GSS: variants seen among roughly 807,000 people sequenced by gnomAD.
GSS encodes GSH synthetase.
Under a neutral mutation model 60.4 loss-of-function variants are expected in GSS, and 34 were observed. The observed-to-expected ratio is 0.56, with a 90% CI of 0.43 to 0.75. The LOEUF is 0.75. Among genes scored for constraint, GSS ranks in the 30% least tolerant of loss-of-function variants. The pLI, the probability that GSS is intolerant of heterozygous loss-of-function variation, is 0.00. For synonymous variants in GSS, 224 were observed against 239.0 expected (o/e 0.94, Z 0.58); for missense variants, 499 against 595.1 (o/e 0.84, Z 1.68).
intron 2 of GSS, among the ~76,000 whole-genome samples, chr20:34,947,051 C>T (rs1569016325): frequency 1.3e-5 from 2 of 152,014 alleles, no homozygotes; most frequent in African/African-American, 2.4e-5. Flanking sequence ...TATAAGTTTA[C>T]GGTGTTAGAA....
chr20:34,928,805 G>A lies in GSS; in HGVS notation c.*23C>T, dbSNP rs1409106361. 2.5e-6 allele frequency: 4 copies of A among 1,613,820 alleles called. No individual in the cohort carries two copies. The South Asian group carries it at 3.3e-5, about 13-fold the overall frequency. On this transcript the variant is annotated 3_prime_UTR_variant, in exon 13 of 13. Transcript: ENST00000651619. ...GGAATGACAAATACAGAGGATAGAA[G>A]GTCCCGTGGCCTGGTTGTGCCCTCA...
intron 9 of GSS, among the ~76,000 whole-genome samples, chr20:34,935,275 G>A (rs908744501): frequency 1.3e-5 from 2 of 152,228 alleles, no homozygotes; most frequent in Admixed American, 6.5e-5. Context: ...CAGTATGCTG[G>A]AACTGGCTTA....
At chr20:34,954,540 G>A (rs2081601772) in intron 1 of GSS, 2 of 146,588 alleles carry the variant, frequency 1.4e-5, no homozygotes, top group South Asian at 4.3e-4. Context: ...GGCAACAAGA[G>A]CAAAGCTCTG....
chr20:34,953,989 T>C (rs1297499977), intron 1 of GSS, among the ~76,000 whole-genome samples: 2 of 152,196 alleles, frequency 1.3e-5, no homozygotes, highest in Non-Finnish European at 1.5e-5. Flanking sequence ...TGAAGCTCTA[T>C]ACATGAGACC....
chr20:34,936,258 A>T (rs1048815574), intron 8 of GSS, among the ~76,000 whole-genome samples: 15 of 152,244 alleles, frequency 9.9e-5, no homozygotes, highest in African/African-American at 3.4e-4. Flanking sequence ...GACAGTTTTA[A>T]TTTTAACAAT....
chr20:34,930,792 C>T (rs2081395171), intron 11 of GSS, among the ~76,000 whole-genome samples: 1 of 152,034 alleles, frequency 6.6e-6, no homozygotes. Context: ...ACCATTTTTC[C>T]AGCCTAAATC....
intron 1 of GSS, chr20:34,952,953 T>C (rs1569019502): frequency 6.6e-6 from 1 of 152,244 alleles, no homozygotes; most frequent in Non-Finnish European, 1.5e-5. Flanking sequence ...CTACATTCCA[T>C]ATATGGACAT....
intron 1 of GSS, 111 bp from the exon 2 acceptor site, chr20:34,951,971 A>G (rs1299697606): frequency 9.1e-7 from 1 of 1,104,212 alleles, no homozygotes; most frequent in Admixed American, 1.8e-5. Flanking sequence ...CTCTGTTGGA[A>G]GGGAACAGCG....
chr20:34,953,608 C>A (rs2081585816), intron 1 of GSS, among the ~76,000 whole-genome samples: 1 of 149,126 alleles, frequency 6.7e-6, no homozygotes, highest in Admixed American at 6.7e-5. Context: ...CTCTCTCCCT[C>A]CCTCTTTCTT....
rs35270925 is a variant in GSS at position 34,947,276 on chromosome 20, T to A, written c.130-1178A>T. Among the ~76,000 whole-genome samples, 54 of 152,190 alleles carry A rather than the reference T, an allele frequency of 3.5e-4. 1 individual carries two copies. The East Asian group carries it at 0.01, about 29-fold the overall frequency. ...GTAATTTTTGTATTTTTAGTAGAGATGGGGTTTCACTGTGTTGTCCAGGCT... is the reference window on the plus strand; with the variant it reads ...GTAATTTTTGTATTTTTAGTAGAGAAGGGGTTTCACTGTGTTGTCCAGGCT... On this transcript the variant is annotated intron_variant, in intron 2 of 12. Coordinates refer to ENST00000651619, the MANE Select transcript of GSS (RefSeq NM_000178.4).
chr20:34,937,091 C>A, intron 6 of GSS, 68 bp from the exon 7 acceptor site: 1 of 1,060,962 alleles, frequency 9.4e-7, no homozygotes, highest in South Asian at 1.3e-5. Context: ...CTCCCCTCAA[C>A]CCCCATACCG....
At chr20:34,937,615 C>T (rs992403628) in intron 6 of GSS, among the ~76,000 whole-genome samples, 1 of 152,144 alleles carries the variant, frequency 6.6e-6, no homozygotes, top group East Asian at 1.9e-4. Flanking sequence ...TACACAGGGC[C>T]ACATTTGATC....
intron 2 of GSS, among the ~76,000 whole-genome samples, chr20:34,948,108 A>C (rs1359204909): frequency 6.6e-6 from 1 of 152,048 alleles, no homozygotes; most frequent in East Asian, 1.9e-4. Flanking sequence ...GCAGGTGTGT[A>C]CCACTGCCCT....
Position 34,931,946 on chromosome 20 carries a change from A to G in GSS, c.1022T>C (p.Leu341Pro), listed in dbSNP as rs2147122341. ...AACAGGCTGCCCACGTACCACATCC[A>G]GTGAGTAGAGGCCAGCAAAGGTGGC... is the stretch of plus-strand genomic sequence containing the variant. ...LRATFAGLYS[L>P]DVGEEGDQAI... Residue 341 changes from leucine to proline, a missense_variant, in exon 10 of 13, where the codon CTG becomes CCG. By Grantham distance (98) the Leu-to-Pro change is moderately conservative. Coordinates refer to ENST00000651619, the MANE Select transcript of GSS (RefSeq NM_000178.4). 2 of 1,613,876 alleles carry G rather than the reference A, an allele frequency of 1.2e-6. No individual in the cohort carries two copies.
At chr20:34,945,884 CG>C in intron 3 of GSS, 68 bp downstream of exon 3, 1 of 1,528,858 alleles carries the variant, frequency 6.5e-7, no homozygotes, top group South Asian at 1.1e-5. Context: ...TAACACCTCA[CG>C]GCTCTGCAAT....
rs200259388 is a variant in GSS, at chr20:34,951,727, C to T, written c.126G>A (p.Ser42=). 8 of 1,605,498 alleles carry T rather than the reference C, an allele frequency of 5.0e-6. No homozygotes were observed. The highest frequency in any genetic ancestry group is 6.0e-6 in the Non-Finnish European group (7 of 1,175,386). ...LLRTSQEPTS[S]EVVSYAPFTL... ...TGGGGAGGAGCTAGGGGCTTACCTC[C>T]GAGGAAGTGGGCTCCTGTGAGGTCC... Residue 42 remains serine (S), a synonymous_variant, in exon 2 of 13, where the codon TCG becomes TCA. Transcript: ENST00000651619.
At position 34,949,424 on chromosome 20, in the gene GSS, T is replaced by C. The variant is rs534727011; in HGVS notation, c.129+2300A>G. 106 of 64,426 alleles carry C rather than the reference T, an allele frequency of 1.6e-3. 1 individual carries two copies. Among genetic ancestry groups the C allele is most frequent in the African/African-American group, 6.5e-3 (100 of 15,356 alleles). The allele number at this position is 64,426 out of a possible 1,614,324, so 4.0% of individuals were successfully genotyped here. A position where few individuals can be genotyped will look rare whatever the true frequency, so the allele number is the denominator to read the frequency against. On this transcript the variant is annotated intron_variant, in intron 2 of 12. Transcript: ENST00000651619. Reference sequence around the variant, plus strand: ...CATTTCAGCTGCATTCTCTTGAACATTTTTTTTTTTTTTTGCCTTTTCCTA... The same window carrying C: ...CATTTCAGCTGCATTCTCTTGAACACTTTTTTTTTTTTTTGCCTTTTCCTA...
intron 2 of GSS, among the ~76,000 whole-genome samples, chr20:34,950,932 AT>A (rs992200363): frequency 6.6e-6 from 1 of 151,374 alleles, no homozygotes; most frequent in Non-Finnish European, 1.5e-5. Context: ...TTATTTTTTT[AT>A]TTTTTTTTCT....
At chr20:34,930,560 C>T (rs1349166299) in intron 11 of GSS, among the ~76,000 whole-genome samples, 1 of 152,158 alleles carries the variant, frequency 6.6e-6, no homozygotes, top group Non-Finnish European at 1.5e-5. Context: ...CTGTATCAGC[C>T]TCTTCCACGG....
Sources: allele counts gnomAD v4.1 joint callset (sites outside exome capture counted in the v4.1 genomes callset), GRCh38; gene constraint gnomAD v4.1.1; transcripts MANE v1.5; gene names NCBI Gene and HGNC (gene_info 2026-07-23, HGNC 2026-07-21).